Variants in GRM8 observed in about 807,000 individuals in gnomAD.
GRM8 encodes the protein glutamate metabotropic receptor 8.
GRM8 carries 47 observed loss-of-function variants against 87.2 expected under a neutral mutation model. The observed-to-expected ratio is 0.54, with a 90% CI of 0.43 to 0.69. The LOEUF (loss-of-function observed/expected upper bound fraction) is 0.69. Among genes scored for constraint, GRM8 ranks in the 30% least tolerant of loss-of-function variants. The pLI is 0.00. For missense variants in GRM8, 1,019 were observed against 1,139.2 expected (o/e 0.89, Z 1.52); for synonymous variants, 396 against 404.5 (o/e 0.98, Z 0.25).
At chr7:126,581,981 G>C (rs1265683536) in intron 8 of GRM8, among the ~76,000 whole-genome samples, 1 of 151,990 alleles carries the variant, frequency 6.6e-6, no homozygotes, top group Admixed American at 6.6e-5. Flanking sequence ...CAGTAATATT[G>C]AAATTAGGCC....
intron 3 of GRM8, among the ~76,000 whole-genome samples, chr7:127,023,255 T>C (rs1259423845): frequency 6.6e-6 from 1 of 152,132 alleles, no homozygotes; most frequent in East Asian, 1.9e-4. Flanking sequence ...TAGTTTATTA[T>C]TATGGCAAAT....
intron 7 of GRM8, among the ~76,000 whole-genome samples, chr7:126,670,764 C>T (rs974100976): frequency 1.3e-5 from 2 of 152,090 alleles, no homozygotes; most frequent in African/African-American, 2.4e-5. Context: ...TAAAGCAAAT[C>T]TTTTTGACTT....
At position 126,538,228 on chromosome 7, in the gene GRM8, G is replaced by A. The variant is rs571177922; in HGVS notation, c.1495-4341C>T. On this transcript the variant is annotated intron_variant, in intron 8 of 10. Coordinates refer to ENST00000339582, the MANE Select transcript of GRM8 (RefSeq NM_000845.3). Reference sequence around the variant, plus strand: ...AAAGAATCGTGAAACCAAAGTTTCCGGGTGAGTGTGCTTACATTTTTAAAT... The same window carrying A: ...AAAGAATCGTGAAACCAAAGTTTCCAGGTGAGTGTGCTTACATTTTTAAAT... 9.2e-5 allele frequency among the ~76,000 whole-genome samples: 14 copies of A among 152,274 alleles called. No individual in the cohort carries two copies. In the South Asian group the frequency reaches 1.0e-3, roughly 11 times the overall value.
intron 7 of GRM8, among the ~76,000 whole-genome samples, chr7:126,621,063 T>C (rs1280546154): frequency 6.6e-6 from 1 of 152,206 alleles, no homozygotes; most frequent in Non-Finnish European, 1.5e-5. Flanking sequence ...AGAATAAATA[T>C]GTGAGATTTG....
chr7:126,537,096 AT>A (rs1315776482), intron 8 of GRM8, among the ~76,000 whole-genome samples: 3 of 152,214 alleles, frequency 2.0e-5, no homozygotes, highest in African/African-American at 7.2e-5. Context: ...TTTTGAACCA[AT>A]GAAAAAACGT....
chr7:126,767,363 C>A (rs1818300969), intron 7 of GRM8, among the ~76,000 whole-genome samples: 1 of 152,044 alleles, frequency 6.6e-6, no homozygotes, highest in East Asian at 1.9e-4. Context: ...TGCAAAACAG[C>A]CAGAGAAGAC....
intron 6 of GRM8, among the ~76,000 whole-genome samples, chr7:126,878,247 A>G (rs1470196587): frequency 6.6e-6 from 1 of 152,210 alleles, no homozygotes; most frequent in Non-Finnish European, 1.5e-5. Flanking sequence ...AAACTTGTTG[A>G]CAGCCATACT....
At chr7:127,131,612 C>A (rs1827695776) in intron 2 of GRM8, among the ~76,000 whole-genome samples, 1 of 152,140 alleles carries the variant, frequency 6.6e-6, no homozygotes, top group East Asian at 1.9e-4. Flanking sequence ...AGGTATCTCA[C>A]AGTCCCAAGT....
At chr7:126,676,813 G>A (rs1398400940) in intron 7 of GRM8, among the ~76,000 whole-genome samples, 1 of 152,120 alleles carries the variant, frequency 6.6e-6, no homozygotes, top group Admixed American at 6.5e-5. Flanking sequence ...CATTGGCCTA[G>A]GCAATGAATT....
chr7:126,738,159 C>A (rs1814449876), intron 7 of GRM8, among the ~76,000 whole-genome samples: 1 of 152,038 alleles, frequency 6.6e-6, no homozygotes, highest in African/African-American at 2.4e-5. Flanking sequence ...ACATACAGTA[C>A]AAAGACAATA....
Position 127,099,781 on chromosome 7 carries a change from T to C in GRM8, c.727+6715A>G, listed in dbSNP as rs1319641521. 2.0e-5 allele frequency among the ~76,000 whole-genome samples: 3 copies of C among 152,274 alleles called. No homozygotes were observed. In the South Asian group the frequency reaches 6.2e-4, roughly 32 times the overall value. On this transcript the variant is annotated intron_variant, in intron 3 of 10. Coordinates refer to ENST00000339582, the MANE Select transcript of GRM8 (RefSeq NM_000845.3). ...TGAGTATACCCTTCTTCACCCTCTG[T>C]TAAGAACTGAATTATCTCCCAAGAA... is the stretch of plus-strand genomic sequence containing the variant.
intron 3 of GRM8, among the ~76,000 whole-genome samples, chr7:126,942,596 C>T (rs928616488): frequency 9.9e-5 from 15 of 152,108 alleles, no homozygotes; most frequent in African/African-American, 3.1e-4. Flanking sequence ...ACTGCTCGCC[C>T]GGCATGCAGC....
chr7:127,089,763 G>A (rs1017048544), intron 3 of GRM8, among the ~76,000 whole-genome samples: 1 of 152,148 alleles, frequency 6.6e-6, no homozygotes, highest in African/African-American at 2.4e-5. Flanking sequence ...TCACAGAATA[G>A]AGCTCATCTA....
At chr7:126,529,734 G>A (rs1315438254) in intron 9 of GRM8, among the ~76,000 whole-genome samples, 3 of 152,156 alleles carry the variant, frequency 2.0e-5, no homozygotes, top group Admixed American at 6.5e-5. Flanking sequence ...GATAAAATAT[G>A]TGTTTTAGAG....
At chr7:126,468,402 T>C (rs1322917713) in intron 9 of GRM8, among the ~76,000 whole-genome samples, 1 of 152,074 alleles carries the variant, frequency 6.6e-6, no homozygotes, top group Admixed American at 6.6e-5. Context: ...AATCATTTTC[T>C]CTCATTTGTC....
intron 3 of GRM8, among the ~76,000 whole-genome samples, chr7:127,029,460 G>T (rs2132288174): frequency 6.6e-6 from 1 of 152,234 alleles, no homozygotes; most frequent in South Asian, 2.1e-4. Context: ...ATTATTGTGT[G>T]GGAGTCTAAG....
intron 6 of GRM8, among the ~76,000 whole-genome samples, chr7:126,794,017 T>G (rs930053273): frequency 6.6e-6 from 1 of 152,126 alleles, no homozygotes; most frequent in Non-Finnish European, 1.5e-5. Flanking sequence ...TTCCATCAAT[T>G]TAAATGGCCC....
At chr7:126,581,631 T>C (rs1408365555) in intron 8 of GRM8, among the ~76,000 whole-genome samples, 1 of 152,162 alleles carries the variant, frequency 6.6e-6, no homozygotes, top group African/African-American at 2.4e-5. Flanking sequence ...ACGGTGCTTT[T>C]TTTTATTGTA....
intron 3 of GRM8, among the ~76,000 whole-genome samples, chr7:126,927,304 TG>T (rs1805243623): frequency 6.6e-6 from 1 of 151,994 alleles, no homozygotes; most frequent in African/African-American, 2.4e-5. Flanking sequence ...CTTGGTAGTA[TG>T]TTTTTTTTTT....
Sources: allele counts gnomAD v4.1 joint callset (sites outside exome capture counted in the v4.1 genomes callset), GRCh38; gene constraint gnomAD v4.1.1; transcripts MANE v1.5; gene names NCBI Gene and HGNC (gene_info 2026-07-23, HGNC 2026-07-21).